Variants in USP47 observed in about 807,000 individuals in gnomAD.
USP47 encodes ubiquitin carboxyl-terminal hydrolase 47.
USP47 carries 35 observed loss-of-function variants against 165.1 expected under a neutral mutation model. That is an observed-to-expected ratio of 0.21 (90% CI 0.16 to 0.28). USP47 has a LOEUF of 0.28. Among genes scored for constraint, USP47 ranks in the 10% least tolerant of loss-of-function variants. The pLI is 1.00. For synonymous variants in USP47, 531 were observed against 544.5 expected (o/e 0.98, Z 0.35); for missense variants, 1,277 against 1,607.4 (o/e 0.79, Z 3.52).
intron 24 of USP47, 198 bp from the exon 25 acceptor site, chr11:11,952,543 T>C: frequency 2.5e-6 from 1 of 404,924 alleles, no homozygotes; most frequent in East Asian, 5.2e-5. Context: ...AGAGAGGAAT[T>C]ATCTTCTGAG....
chr11:11,897,778 T>C (rs1203565512), intron 5 of USP47, 85 bp downstream of exon 5: 12 of 984,664 alleles, frequency 1.2e-5, no homozygotes, highest in East Asian at 2.5e-5. Flanking sequence ...CTTGCAGTTA[T>C]TTTAAAGTTT....
intron 1 of USP47, among the ~76,000 whole-genome samples, chr11:11,873,251 G>A (rs1850187708): frequency 6.6e-6 from 1 of 152,056 alleles, no homozygotes; most frequent in African/African-American, 2.4e-5. Context: ...GTAGAGTGAT[G>A]TAAAATCAAG....
Position 11,940,568 on chromosome 11 carries a change from A to G in USP47, c.2313+20A>G, listed in dbSNP as rs755208566. On this transcript the variant is annotated intron_variant, in intron 19 of 27. Transcript: ENST00000527733. ...AACAAGGTATGTCATTTACTTTTTC[A>G]TTACTATTTTCTATGCTGGTAGTAG... 2.0e-5 allele frequency: 32 copies of G among 1,608,878 alleles called. No homozygotes were observed. The East Asian group carries it at 7.1e-4, about 36-fold the overall frequency.
At chr11:11,874,235 C>G (rs1564858959) in intron 1 of USP47, among the ~76,000 whole-genome samples, 1 of 152,118 alleles carries the variant, frequency 6.6e-6, no homozygotes, top group Admixed American at 6.6e-5. Context: ...TTCCTCAGAG[C>G]CTGTGTGCAC....
chr11:11,920,607 G>T, intron 10 of USP47, 113 bp downstream of exon 10: 1 of 961,988 alleles, frequency 1.0e-6, no homozygotes, highest in South Asian at 2.9e-5. Flanking sequence ...TCTTCTTGAT[G>T]GAAACTTTTT....
chr11:11,849,666 C>T (rs1848620156), intron 1 of USP47, among the ~76,000 whole-genome samples: 1 of 152,198 alleles, frequency 6.6e-6, no homozygotes, highest in African/African-American at 2.4e-5. Flanking sequence ...AACTTTTGTG[C>T]AGCTGTTGTC....
intron 1 of USP47, among the ~76,000 whole-genome samples, chr11:11,871,222 A>G (rs1038836438): frequency 6.6e-6 from 1 of 152,028 alleles, no homozygotes; most frequent in Non-Finnish European, 1.5e-5. Flanking sequence ...GTTGGTGGGC[A>G]GCTGGGTGCA....
chr11:11,923,055 T>C (rs1196194740), intron 11 of USP47, among the ~76,000 whole-genome samples, 164 bp downstream of exon 11: 2 of 44,114 alleles, frequency 4.5e-5, no homozygotes, highest in East Asian at 7.7e-4. Flanking sequence ...TATATATATA[T>C]ATATATATAT....
chr11:11,894,891 G>T (rs1266794059), intron 4 of USP47, among the ~76,000 whole-genome samples: 2 of 150,490 alleles, frequency 1.3e-5, no homozygotes, highest in African/African-American at 5.0e-5. Context: ...TAGCAATTTT[G>T]CATATTTTTA....
Position 11,948,403 on chromosome 11 carries a change from G to C in USP47, c.3268-75G>C, listed in dbSNP as rs1429343595. 6.7e-6 allele frequency: 9 copies of C among 1,348,608 alleles called. No homozygotes were observed. In the African/African-American group the frequency reaches 1.0e-4, roughly 15 times the overall value. The allele number at this position is 1,348,608 out of a possible 1,614,324, so 83.5% of individuals were successfully genotyped here. On this transcript the variant is annotated intron_variant, in intron 21 of 27. Coordinates refer to ENST00000527733, the MANE Select transcript of USP47 (RefSeq NM_001282659.2). ...CCTATAATCTAGAGTATTTTGGAAAGTTTAAAAATGGGATGAGAATGGGTT... is the reference window on the plus strand; with the variant it reads ...CCTATAATCTAGAGTATTTTGGAAACTTTAAAAATGGGATGAGAATGGGTT...
rs1174021740 is a variant in USP47, at chr11:11,960,645, C to CT, written c.*4471dup. Among the ~76,000 whole-genome samples, 1 of 152,236 alleles carries CT rather than the reference C, an allele frequency of 6.6e-6. No homozygotes were observed. The highest frequency in any genetic ancestry group is 1.5e-5 in the Non-Finnish European group (1 of 68,040). On this transcript the variant is annotated 3_prime_UTR_variant, in exon 28 of 28. Coordinates refer to ENST00000527733, the MANE Select transcript of USP47 (RefSeq NM_001282659.2). ...GAATCTGTTTTCCAAACACCACAAT[C>CT]TCCCAAAAGGGGATTTCACCCTCCC...
rs146141137 is a variant in USP47 at position 11,916,397 on chromosome 11, G to A, written c.970-3759G>A. Among the ~76,000 whole-genome samples the A allele has an allele frequency of 1.6e-3, 246 of 152,232 alleles. 2 individuals carry two copies. Among genetic ancestry groups the A allele is most frequent in the South Asian group, 0.014 (69 of 4,824 alleles). Reference sequence around the variant, plus strand: ...GAATTATCAACATGGTACTCTGACTGAATTAAATATTCTCAAATGAGCAGA... The same window carrying A: ...GAATTATCAACATGGTACTCTGACTAAATTAAATATTCTCAAATGAGCAGA... On this transcript the variant is annotated intron_variant, in intron 8 of 27. Coordinates refer to ENST00000527733, the MANE Select transcript of USP47 (RefSeq NM_001282659.2).
intron 1 of USP47, among the ~76,000 whole-genome samples, chr11:11,864,472 A>G (rs547649579): frequency 1.3e-5 from 2 of 152,208 alleles, no homozygotes; most frequent in Admixed American, 6.5e-5. Context: ...ACCATCATCT[A>G]TCCACAGAAC....
At position 11,940,452 on chromosome 11, in the gene USP47, A is replaced by G. The variant is rs1312417734; in HGVS notation, c.2217A>G (p.Thr739=). Residue 739 remains threonine, a synonymous_variant, in exon 19 of 28, where the codon ACA becomes ACG. Transcript: ENST00000527733. ...ISKAIHLPAE[T]MRIVLERCYN... is the part of the protein sequence containing the mutation. ...AGGCCATCCATTTACCTGCTGAAAC[A>G]ATGAGAATAGTGCTGGAACGCTGCT... 3.1e-6 allele frequency: 5 copies of G among 1,610,178 alleles called. No homozygotes were observed. The highest frequency in any genetic ancestry group is 1.7e-5 in the Admixed American group (1 of 59,736).
rs1854857366 is a variant in USP47, at chr11:11,933,840, T to C, written c.1774T>C (p.Phe592Leu). The C allele has an allele frequency of 4.4e-6, 7 of 1,601,814 alleles. No individual in the cohort carries two copies. In the East Asian group the frequency reaches 1.6e-4, roughly 36 times the overall value. Residue 592 changes from phenylalanine to leucine, a missense_variant, in exon 16 of 28, where the codon TTC becomes CTC. Around this residue, in one of 4 missense-constraint regions of USP47, gnomAD observed 909 missense variants for 1,068.1 expected, o/e 0.85. Transcript: ENST00000527733. ...IERNTCKIKLFCLHPTKQVMM... is the reference protein window; with the variant it reads ...IERNTCKIKLLCLHPTKQVMM... ...ATTTTACATTTTCTAGATAAAATTATTCTGTTTGCATCCTACAAAACAAGT... is the reference window on the plus strand; with the variant it reads ...ATTTTACATTTTCTAGATAAAATTACTCTGTTTGCATCCTACAAAACAAGT...
rs144575381 is a variant in USP47 at position 11,893,576 on chromosome 11, A to G, written c.496+1470A>G. Among the ~76,000 whole-genome samples, 769 of 152,282 alleles carry G rather than the reference A, an allele frequency of 5.0e-3. 10 individuals are homozygous for G. The highest frequency in any genetic ancestry group is 0.018 in the African/African-American group (738 of 41,558). On this transcript the variant is annotated intron_variant, in intron 4 of 27. Transcript: ENST00000527733. The stretch of plus-strand genomic sequence containing the variant: ...CCCAGCCTCCCAAGTAGCTAGGACT[A>G]CAGGTGTGCACCACAATGCCTGTCT...
rs1847296200 is a variant in USP47, at chr11:11,958,227, A to G, written c.*2052A>G. On this transcript the variant is annotated 3_prime_UTR_variant, in exon 28 of 28. Coordinates refer to ENST00000527733, the MANE Select transcript of USP47 (RefSeq NM_001282659.2). ...GAGCGTAAATGGTAAAATTCTTCTG[A>G]TACCCACTCTTTAGACTGTGCCTTC... 1 of 152,174 alleles carries G rather than the reference A, an allele frequency of 6.6e-6. No homozygotes were observed. The highest frequency in any genetic ancestry group is 2.1e-4 in the South Asian group (1 of 4,826). The allele number at this position is 152,174 out of a possible 1,614,324, so 9.4% of individuals were successfully genotyped here. A position where few individuals can be genotyped will look rare whatever the true frequency, so the allele number is the denominator to read the frequency against.
In USP47 at chr11:11,929,995, G is replaced by A. The variant is rs965365453; in HGVS notation, c.1519-49G>A. 5 of 1,407,672 alleles carry A rather than the reference G, an allele frequency of 3.6e-6. No homozygotes were observed. In the African/African-American group the frequency reaches 4.3e-5, roughly 12 times the overall value. The allele number at this position is 1,407,672 out of a possible 1,614,324, so 87.2% of individuals were successfully genotyped here. A position where few individuals can be genotyped will look rare whatever the true frequency, so the allele number is the denominator to read the frequency against. The stretch of plus-strand genomic sequence containing the variant: ...GATTGAGTTACATATTGACGTTAAT[G>A]TGATAGTGTTATAGAATTTGCAAAA... On this transcript the variant is annotated intron_variant, in intron 12 of 27. Transcript: ENST00000527733.
At chr11:11,876,745 C>G (rs983698225) in intron 1 of USP47, among the ~76,000 whole-genome samples, 1 of 152,188 alleles carries the variant, frequency 6.6e-6, no homozygotes, top group Non-Finnish European at 1.5e-5. Context: ...CCCAGGGTAA[C>G]TGGATTTCTT....
Sources: allele counts gnomAD v4.1 joint callset (sites outside exome capture counted in the v4.1 genomes callset), GRCh38; gene constraint gnomAD v4.1.1; regional missense constraint gnomAD v4.1.1; transcripts MANE v1.5; gene names NCBI Gene and HGNC (gene_info 2026-07-23, HGNC 2026-07-21).